RHBDD1: variants seen among roughly 807,000 people sequenced by gnomAD.
RHBDD1 encodes the protein rhomboid domain containing 1.
A neutral mutation model predicts 36.3 loss-of-function variants in RHBDD1; 38 were observed. The ratio of observed to expected loss-of-function variants is 1.05; its 90% confidence interval spans 0.81 to 1.37. The LOEUF (loss-of-function observed/expected upper bound fraction) is 1.37. RHBDD1 is among the 40% of genes most tolerant of loss of function. The probability of loss-of-function intolerance (pLI) is 0.00; values close to 1 mark genes in which losing one functional copy is unlikely to be tolerated. For missense variants in RHBDD1, 393 were observed against 377.6 expected, an observed-to-expected ratio of 1.04 and a Z score of -0.34; for synonymous variants, 151 against 136.5, an observed-to-expected ratio of 1.11 and a Z score of -0.74.
chr2:226,820,609 A>G, the RHBDD1 span, among the ~76,000 whole-genome samples: 2 of 145,922 alleles, frequency 1.4e-5, no homozygotes, highest in East Asian at 2.1e-4. Context: ...GGAGTTCAAG[A>G]CCAGCTTGGG....
chr2:226,867,149 G>T (rs767251992), intron 4 of RHBDD1, 37 bp from the exon 5 acceptor site: 5 of 1,554,078 alleles, frequency 3.2e-6, no homozygotes, highest in Non-Finnish European at 4.3e-6. Context: ...CCTACTTTTG[G>T]ATTGTTGATA....
chr2:226,844,906 A>G (rs1468458173), intron 3 of RHBDD1, among the ~76,000 whole-genome samples: 1 of 152,184 alleles, frequency 6.6e-6, no homozygotes, highest in Non-Finnish European at 1.5e-5. Context: ...AAAATCTGGT[A>G]ATTTCATTTT....
At chr2:226,992,039 G>A (rs1958339764) in intron 8 of RHBDD1, among the ~76,000 whole-genome samples, 2 of 152,208 alleles carry the variant, frequency 1.3e-5, no homozygotes, top group African/African-American at 4.8e-5. Context: ...ACAAATGTGA[G>A]TACATATCAG....
intron 5 of RHBDD1, among the ~76,000 whole-genome samples, chr2:226,904,784 C>T (rs934851886): frequency 3.3e-5 from 5 of 152,180 alleles, no homozygotes; most frequent in South Asian, 2.1e-4. Flanking sequence ...GGAATCTCCC[C>T]TAGGCTGCTG....
At chr2:226,810,275 C>T in the RHBDD1 span, among the ~76,000 whole-genome samples, 1 of 151,946 alleles carries the variant, frequency 6.6e-6, no homozygotes, top group African/African-American at 2.4e-5. Context: ...CATGGTGGCT[C>T]ATGCCTGTAA....
At chr2:226,948,021 G>T (rs1951114461) in intron 8 of RHBDD1, among the ~76,000 whole-genome samples, 1 of 152,064 alleles carries the variant, frequency 6.6e-6, no homozygotes, top group Non-Finnish European at 1.5e-5. Context: ...ATTCCTCAGG[G>T]ATCTAGAACT....
intron 8 of RHBDD1, among the ~76,000 whole-genome samples, chr2:226,921,768 T>C (rs1949331071): frequency 6.6e-6 from 1 of 152,188 alleles, no homozygotes; most frequent in African/African-American, 2.4e-5. Flanking sequence ...AGTCTATCCT[T>C]GAGAATGATT....
the RHBDD1 span, among the ~76,000 whole-genome samples, chr2:226,806,787 T>G: frequency 6.6e-6 from 1 of 152,200 alleles, no homozygotes; most frequent in Non-Finnish European, 1.5e-5. Flanking sequence ...CTAAATTAAT[T>G]TCCTAGCACA....
intron 3 of RHBDD1, among the ~76,000 whole-genome samples, chr2:226,849,068 CATT>C (rs1217128303): frequency 1.3e-5 from 2 of 152,128 alleles, no homozygotes; most frequent in Non-Finnish European, 2.9e-5. Context: ...GTATGCCTGG[CATT>C]ATTCTAAGAA....
the RHBDD1 span, among the ~76,000 whole-genome samples, chr2:226,824,857 G>A: frequency 6.6e-6 from 1 of 152,252 alleles, no homozygotes; most frequent in East Asian, 1.9e-4. Flanking sequence ...TCATTAGTAA[G>A]CAGTGGCAGA....
At chr2:226,955,698 G>A (rs1418620879) in intron 8 of RHBDD1, among the ~76,000 whole-genome samples, 1 of 152,228 alleles carries the variant, frequency 6.6e-6, no homozygotes, top group Non-Finnish European at 1.5e-5. Flanking sequence ...CTTGCCCCTT[G>A]GCTTGCAGGT....
At position 226,941,032 on chromosome 2, in the gene RHBDD1, C is replaced by T. The variant is rs183718968; in HGVS notation, c.856+26681C>T. On this transcript the variant is annotated intron_variant, in intron 8 of 8. Coordinates refer to ENST00000392062, the MANE Select transcript of RHBDD1 (RefSeq NM_001167608.3). The stretch of plus-strand genomic sequence containing the variant: ...CATGATCTCGGCTCACTGCAACCTC[C>T]ACCTCTCAGGTTCAAGCAATCCTCC... Among the ~76,000 whole-genome samples the T allele has an allele frequency of 1.2e-3, 165 of 138,820 alleles. 1 individual carries two copies. The highest frequency in any genetic ancestry group is 4.3e-3 in the African/African-American group (154 of 36,084). 91.1% of individuals were successfully genotyped at this position (138,820 alleles called of 152,430 possible).
At chr2:226,986,015 T>C (rs557567994) in intron 8 of RHBDD1, among the ~76,000 whole-genome samples, 103 of 152,246 alleles carry the variant, frequency 6.8e-4, no homozygotes, top group Non-Finnish European at 1.4e-3. Flanking sequence ...CAGTGATAAG[T>C]CATGTTGACA....
At chr2:226,916,321 G>A (rs374495721) in intron 8 of RHBDD1, among the ~76,000 whole-genome samples, 6 of 152,160 alleles carry the variant, frequency 3.9e-5, no homozygotes, top group Non-Finnish European at 7.4e-5. Context: ...TCAGTGGACT[G>A]CCAGTATCAC....
chr2:226,990,515 A>T (rs1957947707), intron 8 of RHBDD1, among the ~76,000 whole-genome samples: 1 of 152,230 alleles, frequency 6.6e-6, no homozygotes, highest in Admixed American at 6.5e-5. Flanking sequence ...CATGGGCAGG[A>T]TCTATGAATA....
intron 7 of RHBDD1, among the ~76,000 whole-genome samples, chr2:226,912,721 T>C (rs986684359): frequency 1.3e-5 from 2 of 152,082 alleles, no homozygotes; most frequent in Non-Finnish European, 2.9e-5. Flanking sequence ...AGGGTGAGGA[T>C]TGTTAGCTAA....
At chr2:226,918,833 A>G (rs2125747537) in intron 8 of RHBDD1, among the ~76,000 whole-genome samples, 1 of 152,238 alleles carries the variant, frequency 6.6e-6, no homozygotes, top group Middle Eastern at 3.4e-3. Flanking sequence ...TATACCTAGC[A>G]GTAGAATTGC....
intron 7 of RHBDD1, among the ~76,000 whole-genome samples, chr2:226,911,920 T>G (rs995471726): frequency 6.6e-6 from 1 of 152,172 alleles, no homozygotes; most frequent in African/African-American, 2.4e-5. Context: ...GCAAAGCTTT[T>G]CAGAATTAGT....
chr2:226,916,859 G>T (rs1948941439), intron 8 of RHBDD1, among the ~76,000 whole-genome samples: 1 of 152,296 alleles, frequency 6.6e-6, no homozygotes, highest in African/African-American at 2.4e-5. Context: ...CAGGAAGTTA[G>T]TACTAGTAGT....
Sources: gnomAD v4.1 joint callset for allele counts (sites outside exome capture counted in the v4.1 genomes callset) on GRCh38, gnomAD v4.1.1 for gene constraint, MANE v1.5 for transcripts, NCBI Gene and HGNC (gene_info 2026-07-23, HGNC 2026-07-21) for gene names.